The following CPNE4 variants were observed in gnomAD, a reference collection of about 807,000 sequenced individuals.
CPNE4 encodes the protein copine-4.
CPNE4 carries 25 observed loss-of-function variants against 67.9 expected under a neutral mutation model. The observed-to-expected ratio is 0.37, with a 90% CI of 0.27 to 0.51. CPNE4 has a LOEUF of 0.51. CPNE4 is among the 20% of genes least tolerant of loss of function. CPNE4 has a pLI of 0.93. For missense variants in CPNE4, 464 were observed against 690.8 expected (o/e 0.67, Z 3.68); for synonymous variants, 242 against 244.9 (o/e 0.99, Z 0.11).
At chr3:131,901,471 C>T (rs988565787) in intron 2 of CPNE4, among the ~76,000 whole-genome samples, 1 of 152,002 alleles carries the variant, frequency 6.6e-6, no homozygotes, top group African/African-American at 2.4e-5. Flanking sequence ...ATTTCAAAGT[C>T]AAGTTTTTTT....
At chr3:131,934,831 T>C (rs1291341276) in intron 1 of CPNE4, among the ~76,000 whole-genome samples, 1 of 152,054 alleles carries the variant, frequency 6.6e-6, no homozygotes, top group Non-Finnish European at 1.5e-5. Flanking sequence ...TAAAAAGGCA[T>C]TGGCTGCTGA....
chr3:131,799,136 G>A (rs2084001940), intron 2 of CPNE4, among the ~76,000 whole-genome samples: 3 of 152,110 alleles, frequency 2.0e-5, no homozygotes, highest in South Asian at 2.1e-4. Context: ...ACAATACCAC[G>A]GATATGTTTT....
chr3:131,943,448 T>G (rs2071458455), intron 1 of CPNE4, among the ~76,000 whole-genome samples: 1 of 152,160 alleles, frequency 6.6e-6, no homozygotes, highest in Non-Finnish European at 1.5e-5. Context: ...CTGATACAGA[T>G]CTGAGAGCTC....
chr3:131,962,408 G>C (rs147419580), intron 1 of CPNE4, among the ~76,000 whole-genome samples: 1 of 152,140 alleles, frequency 6.6e-6, no homozygotes, highest in African/African-American at 2.4e-5. Context: ...TCAAGGCCCA[G>C]TTCACATGCA....
chr3:131,863,806 C>T (rs1202589803), intron 2 of CPNE4, among the ~76,000 whole-genome samples: 1 of 152,162 alleles, frequency 6.6e-6, no homozygotes, highest in Non-Finnish European at 1.5e-5. Flanking sequence ...ATGGTATTGC[C>T]TAAGTTTTCT....
chr3:131,775,173 T>C (rs1230084238), intron 2 of CPNE4, among the ~76,000 whole-genome samples: 1 of 152,134 alleles, frequency 6.6e-6, no homozygotes, highest in Non-Finnish European at 1.5e-5. Flanking sequence ...AAGAAGGCCC[T>C]GTGAAATGGC....
intron 2 of CPNE4, among the ~76,000 whole-genome samples, chr3:131,810,966 G>A (rs1023627712): frequency 6.6e-6 from 1 of 151,954 alleles, no homozygotes; most frequent in Non-Finnish European, 1.5e-5. Context: ...ACTTATATAT[G>A]GAACCTAAAA....
chr3:131,783,832 T>C (rs892706600), intron 2 of CPNE4, among the ~76,000 whole-genome samples: 2 of 152,076 alleles, frequency 1.3e-5, no homozygotes, highest in Non-Finnish European at 2.9e-5. Flanking sequence ...TTATCCATAC[T>C]GACCAGACAT....
intron 2 of CPNE4, among the ~76,000 whole-genome samples, chr3:131,840,893 C>T (rs1292449729): frequency 6.6e-6 from 1 of 152,188 alleles, no homozygotes; most frequent in Non-Finnish European, 1.5e-5. Flanking sequence ...AGTGGTGTGA[C>T]TTCCTTTTAA....
At chr3:131,911,543 TTGTGTGTGTGTGTGTGTGTGTGTG>T (rs3041573) in intron 1 of CPNE4, among the ~76,000 whole-genome samples, 2 of 146,066 alleles carry the variant, frequency 1.4e-5, no homozygotes, top group Middle Eastern at 3.5e-3. Context: ...GCACTCCAAG[TTGTGTGTGTGTGTGTGTGTGTGTG>T]TGTGTGTGTG....
At chr3:131,860,144 C>G (rs1290060913) in intron 2 of CPNE4, among the ~76,000 whole-genome samples, 1 of 152,132 alleles carries the variant, frequency 6.6e-6, no homozygotes, top group East Asian at 1.9e-4. Flanking sequence ...CCTTCTGTGT[C>G]TGTAAAGTTA....
chr3:131,669,756 C>T lies in CPNE4; in HGVS notation c.600G>A (p.Met200Ile). ...ATTTCCAGGCTGGGCTTAAGTTATT[C>T]ATCACAACCTGGGAAAAGAAAGAGA... is the stretch of plus-strand genomic sequence containing the variant. ...QQLVHRTEVVMNNLSPAWKSF... is the reference protein window; with the variant it reads ...QQLVHRTEVVINNLSPAWKSF... The change falls in exon 7 of 16, where the codon ATG (methionine) becomes ATA (isoleucine). Residue 200 changes from methionine (M) to isoleucine (I), a missense_variant. By Grantham distance (10) the Met-to-Ile change is conservative. Coordinates refer to ENST00000429747, the MANE Select transcript of CPNE4 (RefSeq NM_130808.3). The T allele has an allele frequency of 6.2e-7, 1 of 1,613,098 alleles. No individual in the cohort carries two copies. The highest frequency in any genetic ancestry group is 8.5e-7 in the Non-Finnish European group (1 of 1,179,274).
chr3:131,971,010 C>A (rs2072485216), intron 1 of CPNE4, among the ~76,000 whole-genome samples: 2 of 152,350 alleles, frequency 1.3e-5, no homozygotes, highest in African/African-American at 4.8e-5. Context: ...ACTAGATCAT[C>A]TGCTAGATGA....
chr3:131,879,012 G>C (rs903551532), intron 2 of CPNE4, among the ~76,000 whole-genome samples: 1 of 152,214 alleles, frequency 6.6e-6, no homozygotes, highest in Non-Finnish European at 1.5e-5. Flanking sequence ...TCCATTGAAA[G>C]TACAACTGAC....
rs1397468167 is a variant in CPNE4, at chr3:131,814,856, G to A, written c.180+90408C>T. Among the ~76,000 whole-genome samples, 4 of 136,116 alleles carry A rather than the reference G, an allele frequency of 2.9e-5. No individual in the cohort carries two copies. In the East Asian group the frequency reaches 7.8e-4, roughly 26 times the overall value. 89.3% of individuals were successfully genotyped at this position (136,116 alleles called of 152,430 possible). A position where few individuals can be genotyped will look rare whatever the true frequency, so the allele number is the denominator to read the frequency against. On this transcript the variant is annotated intron_variant, in intron 2 of 15. Transcript: ENST00000429747. ...CCTGACCTCGTGATCCGCCCGCCTC[G>A]GCCTCCCAAAGTGCTGGGATTACAG...
chr3:131,662,778 A>G (rs1487698008), intron 7 of CPNE4, among the ~76,000 whole-genome samples: 1 of 152,230 alleles, frequency 6.6e-6, no homozygotes, highest in African/African-American at 2.4e-5. Context: ...ATCTCACACC[A>G]GTTAGAATGT....
chr3:131,911,232 T>C (rs75424576), intron 1 of CPNE4, among the ~76,000 whole-genome samples: 3,962 of 151,742 alleles, frequency 0.026, 175 homozygotes, highest in African/African-American at 0.089. Flanking sequence ...ATTCATCCAA[T>C]AGGCAGCCAG....
At chr3:131,971,001 C>T (rs550079272) in intron 1 of CPNE4, among the ~76,000 whole-genome samples, 1 of 152,354 alleles carries the variant, frequency 6.6e-6, no homozygotes. Flanking sequence ...TCTCAGATCA[C>T]TAGATCATCT....
At chr3:131,974,017 A>G (rs999001223) in intron 1 of CPNE4, among the ~76,000 whole-genome samples, 28 of 152,202 alleles carry the variant, frequency 1.8e-4, no homozygotes, top group Non-Finnish European at 3.5e-4. Flanking sequence ...CATGGCAACG[A>G]GAGTCAATAG....
Sources: gnomAD v4.1 joint callset for allele counts (sites outside exome capture counted in the v4.1 genomes callset) on GRCh38, gnomAD v4.1.1 for gene constraint, MANE v1.5 for transcripts, NCBI Gene and HGNC (gene_info 2026-07-23, HGNC 2026-07-21) for gene names.